The following DNAJC1 variants were observed in gnomAD, a reference collection of about 807,000 sequenced individuals.
DNAJC1 encodes dnaJ homolog subfamily C member 1.
Under a neutral mutation model 76.6 loss-of-function variants are expected in DNAJC1, and 58 were observed. That is an observed-to-expected ratio of 0.76 (90% CI 0.61 to 0.94). The LOEUF (loss-of-function observed/expected upper bound fraction) is 0.94. Ranked by LOEUF, DNAJC1 falls within the 40% of genes least tolerant of loss-of-function variation. DNAJC1 has a pLI of 0.00. For synonymous variants in DNAJC1, 258 were observed against 267.9 expected, an observed-to-expected ratio of 0.96 and a Z score of 0.36; for missense variants, 689 against 677.3, an observed-to-expected ratio of 1.02 and a Z score of -0.19.
intron 8 of DNAJC1, among the ~76,000 whole-genome samples, chr10:21,864,426 C>T (rs1335971355): frequency 1.3e-5 from 2 of 152,050 alleles, no homozygotes; most frequent in African/African-American, 4.8e-5. Context: ...TTGAGACCAT[C>T]CTGGCTAATG....
intron 3 of DNAJC1, among the ~76,000 whole-genome samples, chr10:21,922,581 A>G (rs1837057996): frequency 2.0e-5 from 3 of 152,072 alleles, no homozygotes; most frequent in Admixed American, 2.0e-4. Context: ...ACATCAAGAT[A>G]TAATAATATG....
At position 22,003,383 on chromosome 10, in the gene DNAJC1, C is replaced by A. The variant is rs985117082; in HGVS notation, c.52G>T (p.Gly18Trp). 7.2e-7 allele frequency: 1 copy of A among 1,386,708 alleles called. No individual in the cohort carries two copies. Among genetic ancestry groups the A allele is most frequent in the African/African-American group, 1.5e-5 (1 of 65,608 alleles). 85.9% of individuals were successfully genotyped at this position (1,386,708 alleles called of 1,614,324 possible). A position where few individuals can be genotyped will look rare whatever the true frequency, so the allele number is the denominator to read the frequency against. ...PAQLPGRRQLGLVPFPPPPPR... is the reference protein window; with the variant it reads ...PAQLPGRRQLWLVPFPPPPPR... The stretch of plus-strand genomic sequence containing the variant: ...GGCGGCGGCGGGAACGGCACCAGCC[C>A]GAGCTGGCGGCGTCCAGGAAGCTGC... The change falls in exon 1 of 12, where the codon GGG becomes TGG. Residue 18 changes from glycine to tryptophan, a missense_variant. Coordinates refer to ENST00000376980, the MANE Select transcript of DNAJC1 (RefSeq NM_022365.4).
chr10:21,910,453 C>T (rs1836836165), intron 6 of DNAJC1, among the ~76,000 whole-genome samples: 1 of 152,102 alleles, frequency 6.6e-6, no homozygotes, highest in Non-Finnish European at 1.5e-5. Flanking sequence ...AGAGAACATG[C>T]TAAGGTGGCA....
chr10:21,906,858 A>G (rs1836754682), intron 6 of DNAJC1, among the ~76,000 whole-genome samples: 1 of 152,196 alleles, frequency 6.6e-6, no homozygotes, highest in South Asian at 2.1e-4. Flanking sequence ...CTACACAGTT[A>G]GGCCTTATAT....
chr10:21,948,407 A>G (rs906878710), intron 1 of DNAJC1, among the ~76,000 whole-genome samples: 1 of 152,236 alleles, frequency 6.6e-6, no homozygotes, highest in Non-Finnish European at 1.5e-5. Flanking sequence ...GTACTTAGAT[A>G]TAATATCACA....
At chr10:21,897,524 C>A (rs996270506) in intron 7 of DNAJC1, among the ~76,000 whole-genome samples, 3 of 152,148 alleles carry the variant, frequency 2.0e-5, no homozygotes, top group African/African-American at 7.2e-5. Flanking sequence ...AGGAGGTGAG[C>A]GGCAGGAGGA....
chr10:21,828,003 G>C (rs1835290551), intron 8 of DNAJC1, among the ~76,000 whole-genome samples: 1 of 152,124 alleles, frequency 6.6e-6, no homozygotes, highest in Non-Finnish European at 1.5e-5. Context: ...TTTACAATTA[G>C]ATATTGTCAA....
intron 1 of DNAJC1, among the ~76,000 whole-genome samples, chr10:21,993,046 T>C (rs547515507): frequency 1.3e-5 from 2 of 152,340 alleles, no homozygotes; most frequent in East Asian, 1.9e-4. Flanking sequence ...ATCTTTAGTA[T>C]AGGAAACATT....
At chr10:21,966,318 C>T (rs1198072340) in intron 1 of DNAJC1, among the ~76,000 whole-genome samples, 2 of 151,970 alleles carry the variant, frequency 1.3e-5, no homozygotes, top group South Asian at 2.1e-4. Context: ...ATAATTAATA[C>T]TTATTCTGTG....
chr10:21,773,026 C>A (rs948940059), intron 9 of DNAJC1, among the ~76,000 whole-genome samples: 1 of 152,118 alleles, frequency 6.6e-6, no homozygotes, highest in Admixed American at 6.6e-5. Context: ...GAGAACAGCA[C>A]CAAAGGGGGA....
At chr10:21,832,341 T>C (rs566715692) in intron 8 of DNAJC1, among the ~76,000 whole-genome samples, 1 of 152,330 alleles carries the variant, frequency 6.6e-6, no homozygotes, top group African/African-American at 2.4e-5. Context: ...AGCCATCAAA[T>C]GTATGTCAAG....
At chr10:21,836,275 C>G (rs1185280481) in intron 8 of DNAJC1, among the ~76,000 whole-genome samples, 1 of 152,106 alleles carries the variant, frequency 6.6e-6, no homozygotes, top group Non-Finnish European at 1.5e-5. Context: ...CAAGCAAATG[C>G]TGAGAGATTT....
At chr10:21,860,898 G>A (rs1410655703) in intron 8 of DNAJC1, 8 of 152,132 alleles carry the variant, frequency 5.3e-5, no homozygotes, top group Admixed American at 4.6e-4. Context: ...CATTTCTATG[G>A]TAAGTTCAAC....
chr10:21,789,187 A>G (rs1834650643), intron 9 of DNAJC1, among the ~76,000 whole-genome samples: 1 of 152,164 alleles, frequency 6.6e-6, no homozygotes, highest in African/African-American at 2.4e-5. Context: ...CAACCAAAGA[A>G]TTAACAACCT....
At chr10:21,896,633 A>G (rs1836548399) in intron 7 of DNAJC1, among the ~76,000 whole-genome samples, 1 of 152,210 alleles carries the variant, frequency 6.6e-6, no homozygotes. Flanking sequence ...ATAAGACTAT[A>G]GACCTTAAAC....
At chr10:22,001,564 C>T (rs2131856621) in intron 1 of DNAJC1, among the ~76,000 whole-genome samples, 1 of 152,274 alleles carries the variant, frequency 6.6e-6, no homozygotes, top group South Asian at 2.1e-4. Context: ...GAGTCAAGTG[C>T]TCTGGTTGTT....
At chr10:21,940,029 A>G (rs1254495441) in intron 1 of DNAJC1, among the ~76,000 whole-genome samples, 2 of 151,998 alleles carry the variant, frequency 1.3e-5, no homozygotes, top group Non-Finnish European at 2.9e-5. Flanking sequence ...GGACTAAATA[A>G]TAGAGAGATT....
chr10:21,797,381 G>T (rs1834761311), intron 9 of DNAJC1, among the ~76,000 whole-genome samples: 1 of 152,038 alleles, frequency 6.6e-6, no homozygotes, highest in Non-Finnish European at 1.5e-5. Flanking sequence ...AGGAAATGTG[G>T]TATCTCCAGT....
intron 1 of DNAJC1, among the ~76,000 whole-genome samples, chr10:21,995,440 A>G (rs753773455): frequency 4.6e-5 from 7 of 152,228 alleles, no homozygotes; most frequent in African/African-American, 7.2e-5. Context: ...GAATGTGTTT[A>G]ACCAAGGAAA....
Sources: gnomAD v4.1 joint callset for allele counts (sites outside exome capture counted in the v4.1 genomes callset) on GRCh38, gnomAD v4.1.1 for gene constraint, MANE v1.5 for transcripts, NCBI Gene and HGNC (gene_info 2026-07-23, HGNC 2026-07-21) for gene names.